SEMA3C: variants seen among roughly 807,000 people sequenced by gnomAD.
SEMA3C encodes the protein semaphorin 3C.
Under a neutral mutation model 89.4 loss-of-function variants are expected in SEMA3C, and 47 were observed. That is an observed-to-expected ratio of 0.53 (90% CI 0.42 to 0.67). SEMA3C has a LOEUF of 0.67. Ranked by LOEUF, SEMA3C falls within the 30% of genes least tolerant of loss-of-function variation. The pLI is 0.00. For missense variants in SEMA3C, 839 were observed against 929.1 expected, an observed-to-expected ratio of 0.90 and a Z score of 1.26; for synonymous variants, 310 against 320.2, an observed-to-expected ratio of 0.97 and a Z score of 0.34.
At chr7:80,839,232 T>A (rs918071494) in intron 2 of SEMA3C, among the ~76,000 whole-genome samples, 2 of 152,182 alleles carry the variant, frequency 1.3e-5, no homozygotes, top group African/African-American at 4.8e-5. Context: ...TTCATACTTC[T>A]AGGAAGGCCT....
At chr7:80,871,588 G>A (rs1023708612) in intron 2 of SEMA3C, among the ~76,000 whole-genome samples, 1 of 152,022 alleles carries the variant, frequency 6.6e-6, no homozygotes, top group Non-Finnish European at 1.5e-5. Context: ...TCAGACCTTG[G>A]CGATCACCTT....
upstream of SEMA3C, among the ~76,000 whole-genome samples, chr7:80,921,798 G>A (rs1156789692): frequency 6.6e-6 from 1 of 152,176 alleles, no homozygotes; most frequent in Admixed American, 6.6e-5. Flanking sequence ...CCAAGGTGTA[G>A]TGGGCATATT....
intron 2 of SEMA3C, among the ~76,000 whole-genome samples, chr7:80,860,272 A>G (rs1790740821): frequency 6.6e-6 from 1 of 152,162 alleles, no homozygotes; most frequent in African/African-American, 2.4e-5. Context: ...TCATAAAAAT[A>G]TTTTTAATAA....
At chr7:80,778,178 A>G (rs994325678) in intron 12 of SEMA3C, among the ~76,000 whole-genome samples, 11 of 152,214 alleles carry the variant, frequency 7.2e-5, no homozygotes, top group Non-Finnish European at 1.3e-4. Flanking sequence ...GGCCTCAGCA[A>G]TCACTAAAAT....
At chr7:80,782,053 T>C (rs1373137568) in intron 12 of SEMA3C, among the ~76,000 whole-genome samples, 1 of 152,092 alleles carries the variant, frequency 6.6e-6, no homozygotes, top group African/African-American at 2.4e-5. Flanking sequence ...ATTTTGAATA[T>C]AGATATGAGT....
chr7:80,751,106 A>T (rs1262197231), intron 16 of SEMA3C, among the ~76,000 whole-genome samples, 163 bp downstream of exon 16: 4 of 152,186 alleles, frequency 2.6e-5, no homozygotes, highest in Admixed American at 6.5e-5. Context: ...TACATACAAA[A>T]AGCCTTTAAG....
chr7:80,826,069 A>AG (rs1476045958), intron 4 of SEMA3C, among the ~76,000 whole-genome samples: 4 of 152,120 alleles, frequency 2.6e-5, no homozygotes, highest in Admixed American at 6.6e-5. Flanking sequence ...CCCTCTAGCA[A>AG]GGCCAGAGAT....
intron 2 of SEMA3C, among the ~76,000 whole-genome samples, chr7:80,844,488 T>G (rs1225061841): frequency 2.0e-5 from 3 of 152,144 alleles, no homozygotes; most frequent in African/African-American, 7.2e-5. Context: ...CTTAATTCCT[T>G]GGAACCTCAG....
At chr7:80,902,043 C>T (rs1460726548) in intron 2 of SEMA3C, among the ~76,000 whole-genome samples, 1 of 152,174 alleles carries the variant, frequency 6.6e-6, no homozygotes, top group African/African-American at 2.4e-5. Flanking sequence ...CTCTTTGCCT[C>T]ACAGGCTCAA....
At chr7:80,786,514 G>A (rs1029654976) in intron 12 of SEMA3C, among the ~76,000 whole-genome samples, 2 of 152,064 alleles carry the variant, frequency 1.3e-5, no homozygotes, top group Admixed American at 6.6e-5. Flanking sequence ...ACACTGTGGA[G>A]AGGTAATATT....
At chr7:80,799,540 C>A (rs1583888505) in intron 10 of SEMA3C, among the ~76,000 whole-genome samples, 1 of 152,010 alleles carries the variant, frequency 6.6e-6, no homozygotes, top group Admixed American at 6.5e-5. Context: ...ATAAAATAAT[C>A]TCACATAGAA....
intron 2 of SEMA3C, among the ~76,000 whole-genome samples, chr7:80,900,526 A>G (rs961191848): frequency 6.6e-6 from 1 of 152,230 alleles, no homozygotes; most frequent in African/African-American, 2.4e-5. Flanking sequence ...TCCTAATTGT[A>G]TAGCCTAGTA....
Position 80,802,685 on chromosome 7 carries a change from T to C in SEMA3C, c.896A>G (p.Glu299Gly). 3 of 1,613,136 alleles carry C rather than the reference T, an allele frequency of 1.9e-6. No homozygotes were observed. Among genetic ancestry groups the C allele is most frequent in the Non-Finnish European group, 2.5e-6 (3 of 1,179,190 alleles). Reference sequence around the variant, plus strand: ...TGTACCTAATTCATCAAAGTGTGTTTCTGGGCCGTCTTCATCTGTTACCGA... The same window carrying C: ...TGTACCTAATTCATCAAAGTGTGTTCCTGGGCCGTCTTCATCTGTTACCGA... The part of the protein sequence containing the change: ...VCSVTDEDGP[E>G]THFDELEDVF... The change falls in exon 9 of 18, where the codon GAA becomes GGA. Residue 299 changes from glutamate to glycine, a missense_variant. Transcript: ENST00000265361.
intron 2 of SEMA3C, among the ~76,000 whole-genome samples, chr7:80,883,983 G>A (rs1396363724): frequency 6.6e-6 from 1 of 152,148 alleles, no homozygotes; most frequent in Non-Finnish European, 1.5e-5. Context: ...AACATCTAGG[G>A]TTTAAGTCAC....
intron 4 of SEMA3C, among the ~76,000 whole-genome samples, chr7:80,819,118 C>T (rs2115764996): frequency 6.6e-6 from 1 of 152,284 alleles, no homozygotes; most frequent in South Asian, 2.1e-4. Flanking sequence ...TTTGAAAATG[C>T]TCTCAAATTT....
intron 2 of SEMA3C, among the ~76,000 whole-genome samples, chr7:80,879,614 T>C (rs1183297531): frequency 6.6e-6 from 1 of 152,080 alleles, no homozygotes; most frequent in East Asian, 1.9e-4. Flanking sequence ...TGCTATAGAG[T>C]CTATGTTACA....
chr7:80,918,843 T>G lies in SEMA3C; in HGVS notation c.-54A>C. 1.0e-6 allele frequency: 1 copy of G among 985,440 alleles called. No homozygotes were observed. Among genetic ancestry groups the G allele is most frequent in the East Asian group, 1.1e-4 (1 of 8,808 alleles). The allele number at this position is 985,440 out of a possible 1,614,324, so 61.0% of individuals were successfully genotyped here. ...TTTAGCTTACCGAGGTTGAAAGAAATCAGCACGGAAAAGTCATCAGTTTGC... is the reference window on the plus strand; with the variant it reads ...TTTAGCTTACCGAGGTTGAAAGAAAGCAGCACGGAAAAGTCATCAGTTTGC... On this transcript the variant is annotated 5_prime_UTR_variant, in exon 1 of 18. An upstream open reading frame in the 5' UTR loses its in-frame stop. Coordinates refer to ENST00000265361, the MANE Select transcript of SEMA3C (RefSeq NM_006379.5).
rs765516275 is a variant in SEMA3C at position 80,802,666 on chromosome 7, T to G, written c.915A>C (p.Leu305Phe). Residue 305 changes from leucine (L) to phenylalanine (F), a missense_variant and splice_region_variant, in exon 9 of 18, where the codon TTA (leucine) becomes TTC (phenylalanine). Physicochemically the swap from Leu to Phe is conservative, Grantham distance 22. Transcript: ENST00000265361. ...TTTTTCAATCTCATATGTATGTACC[T>G]AATTCATCAAAGTGTGTTTCTGGGC... The part of the protein sequence containing the change: ...EDGPETHFDE[L>F]EDVFLLETDN... The G allele has an allele frequency of 6.8e-6, 11 of 1,607,238 alleles. No homozygotes were observed. In the Middle Eastern group the frequency reaches 4.9e-4, roughly 72 times the overall value.
chr7:80,781,881 G>A (rs1788698974), intron 12 of SEMA3C, among the ~76,000 whole-genome samples: 1 of 152,090 alleles, frequency 6.6e-6, no homozygotes, highest in Non-Finnish European at 1.5e-5. Context: ...AGTAGTAAAT[G>A]AGCCAGTGGT....
Sources: allele counts gnomAD v4.1 joint callset (sites outside exome capture counted in the v4.1 genomes callset), GRCh38; gene constraint gnomAD v4.1.1; transcripts MANE v1.5; gene names NCBI Gene and HGNC (gene_info 2026-07-23, HGNC 2026-07-21).